Variants in NPLOC4 observed in about 807,000 individuals in gnomAD.
NPLOC4 encodes the protein nuclear protein localization protein 4 homolog.
NPLOC4 carries 18 observed loss-of-function variants against 80.6 expected under a neutral mutation model. That is an observed-to-expected ratio of 0.22 (90% CI 0.15 to 0.33). The LOEUF (loss-of-function observed/expected upper bound fraction) is 0.33. NPLOC4 is among the 10% of genes least tolerant of loss of function. The pLI, the probability that NPLOC4 is intolerant of heterozygous loss-of-function variation, is 1.00. For synonymous variants in NPLOC4, 313 were observed against 301.5 expected, an observed-to-expected ratio of 1.04 and a Z score of -0.39; for missense variants, 540 against 786.1, an observed-to-expected ratio of 0.69 and a Z score of 3.74.
chr17:81,605,647 CA>C (rs879678650), intron 7 of NPLOC4, among the ~76,000 whole-genome samples: 250 of 128,004 alleles, frequency 2.0e-3, no homozygotes, highest in Non-Finnish European at 1.7e-3. Context: ...GACTCTGTCT[CA>C]AAAAAAAAAA....
intron 13 of NPLOC4, among the ~76,000 whole-genome samples, chr17:81,569,806 T>A (rs575166327): frequency 1.3e-5 from 2 of 152,174 alleles, no homozygotes; most frequent in African/African-American, 4.8e-5. Flanking sequence ...AGAGGGCACT[T>A]TGCACCTAAG....
chr17:81,604,483 C>T (rs890676600), intron 8 of NPLOC4, 65 bp downstream of exon 8: 12 of 1,498,204 alleles, frequency 8.0e-6, no homozygotes, highest in African/African-American at 1.4e-5. Flanking sequence ...AAGGCCTCTC[C>T]GAAAGGGCGT....
chr17:81,563,106 T>C (rs9916803), intron 16 of NPLOC4: 34,808 of 150,532 alleles, frequency 0.23, 4,344 homozygotes, highest in Admixed American at 0.3. Context: ...GACAGAGTCT[T>C]GCTCTGTCGC....
At chr17:81,631,836 G>A (rs2035940525) in intron 1 of NPLOC4, among the ~76,000 whole-genome samples, 1 of 151,034 alleles carries the variant, frequency 6.6e-6, no homozygotes, top group South Asian at 2.1e-4. Flanking sequence ...TTTCAATCTT[G>A]TGGCCCAGGC....
At chr17:81,588,259 A>T (rs1371543398) in intron 12 of NPLOC4, 1 of 152,228 alleles carries the variant, frequency 6.6e-6, no homozygotes, top group African/African-American at 2.4e-5. Flanking sequence ...GTGTAACTGG[A>T]GCCCCCAAAG....
At chr17:81,618,795 G>A (rs1270527586) in intron 3 of NPLOC4, among the ~76,000 whole-genome samples, 5 of 152,052 alleles carry the variant, frequency 3.3e-5, no homozygotes, top group Admixed American at 6.6e-5. Flanking sequence ...TTGAGAAATC[G>A]GATGGTTGCT....
At position 81,572,209 on chromosome 17, in the gene NPLOC4, G is replaced by C. The variant is rs1568122007; in HGVS notation, c.1282-121C>G. On this transcript the variant is annotated intron_variant, in intron 12 of 16. Transcript: ENST00000331134. The surrounding 1 kb of genome is among the most constrained non-coding windows in gnomAD (Gnocchi z 4.5). ...ATTTATTTATTTATTTATTTTTTGA[G>C]ACAGAGTCTTGTGCTGTCGCCCAGG... is the stretch of plus-strand genomic sequence containing the variant. 2 of 454,336 alleles carry C rather than the reference G, an allele frequency of 4.4e-6. No homozygotes were observed. The highest frequency in any genetic ancestry group is 1.6e-4 in the South Asian group (2 of 12,654). The allele number at this position is 454,336 out of a possible 1,614,324, so 28.1% of individuals were successfully genotyped here.
At chr17:81,604,084 A>T (rs570576740) in intron 8 of NPLOC4, among the ~76,000 whole-genome samples, 1 of 152,090 alleles carries the variant, frequency 6.6e-6, no homozygotes, top group African/African-American at 2.4e-5. Flanking sequence ...TCCCCTCCAA[A>T]CAAATCTTAA....
rs745792713 is a variant in NPLOC4, at chr17:81,602,922, T to TAC, written c.834+1624_834+1625dup. On this transcript the variant is annotated intron_variant, in intron 8 of 16. Transcript: ENST00000331134. Reference sequence around the variant, plus strand: ...ACATACATACATATATATGTATATATACACACACACATATATATATACACA... The same window carrying TAC: ...ACATACATACATATATATGTATATATACACACACACACATATATATATACACA... 7.4e-4 allele frequency among the ~76,000 whole-genome samples: 101 copies of TAC among 137,188 alleles called. 1 individual carries two copies. Among genetic ancestry groups the TAC allele is most frequent in the African/African-American group, 2.4e-3 (83 of 35,218 alleles). The allele number at this position is 137,188 out of a possible 152,430, so 90.0% of individuals were successfully genotyped here. A position where few individuals can be genotyped will look rare whatever the true frequency, so the allele number is the denominator to read the frequency against.
chr17:81,592,423 T>C (rs1320348255), intron 11 of NPLOC4, among the ~76,000 whole-genome samples: 1 of 152,168 alleles, frequency 6.6e-6, no homozygotes, highest in African/African-American at 2.4e-5. Flanking sequence ...ATGGCAAGTC[T>C]GAGCACCAAG....
intron 11 of NPLOC4, among the ~76,000 whole-genome samples, chr17:81,590,629 A>G (rs1266095373): frequency 2.6e-5 from 4 of 152,254 alleles, no homozygotes; most frequent in Non-Finnish European, 5.9e-5. Flanking sequence ...TACAGGTGTG[A>G]GCCACTGTGC....
At chr17:81,607,434 G>A (rs926462440) in intron 6 of NPLOC4, among the ~76,000 whole-genome samples, 4 of 151,414 alleles carry the variant, frequency 2.6e-5, no homozygotes, top group East Asian at 3.9e-4. Context: ...TAAGGTAGAC[G>A]TGAGGTTTTG....
In NPLOC4 at chr17:81,572,102, A is replaced by C; in HGVS notation, c.1282-14T>G. On this transcript the variant is annotated splice_polypyrimidine_tract_variant and intron_variant, in intron 12 of 16. Transcript: ENST00000331134. This position sits in a 1 kb window ranked among gnomAD's most constrained non-coding sequence, Gnocchi z 4.5. ...CTTGTCTACGTCCTGCAATAGTCAG[A>C]GGGGAACAGCGGTGAGCAAAGACGA... 1 of 1,600,262 alleles carries C rather than the reference A, an allele frequency of 6.2e-7. No homozygotes were observed. The highest frequency in any genetic ancestry group is 8.5e-7 in the Non-Finnish European group (1 of 1,170,566).
chr17:81,609,771 C>T (rs1001910463), intron 5 of NPLOC4, among the ~76,000 whole-genome samples: 3 of 152,204 alleles, frequency 2.0e-5, no homozygotes, highest in African/African-American at 7.2e-5. Flanking sequence ...GCTGGCCTTC[C>T]TGCTGTAAAC....
At chr17:81,591,906 A>G (rs1032827877) in intron 11 of NPLOC4, among the ~76,000 whole-genome samples, 61 of 152,332 alleles carry the variant, frequency 4.0e-4, no homozygotes, top group African/African-American at 1.4e-3. Flanking sequence ...CCGTAAATGT[A>G]GAGTATGCTA....
intron 12 of NPLOC4, among the ~76,000 whole-genome samples, chr17:81,584,074 G>C (rs576035841): frequency 1.4e-4 from 21 of 152,282 alleles, no homozygotes; most frequent in Non-Finnish European, 2.5e-4. Flanking sequence ...TATTGCCAGA[G>C]ACAACAACAT....
At chr17:81,563,858 C>T (rs374948564) in intron 16 of NPLOC4, 1 of 448,668 alleles carries the variant, frequency 2.2e-6, no homozygotes, top group Non-Finnish European at 4.5e-6. Context: ...AATGCAGGAA[C>T]AGCAAACCAA....
intron 6 of NPLOC4, among the ~76,000 whole-genome samples, chr17:81,607,868 C>G (rs934223907): frequency 2.0e-5 from 3 of 152,208 alleles, no homozygotes; most frequent in African/African-American, 7.2e-5. Flanking sequence ...AAGCTACAAT[C>G]AGGCGAATAT....
intron 16 of NPLOC4, among the ~76,000 whole-genome samples, chr17:81,559,748 T>C (rs1029057235): frequency 8.1e-4 from 102 of 125,956 alleles, no homozygotes; most frequent in East Asian, 2.1e-3. Flanking sequence ...TTTTTTTTTT[T>C]CTGAGGTAGG....
Sources: allele counts gnomAD v4.1 joint callset (sites outside exome capture counted in the v4.1 genomes callset), GRCh38; gene constraint gnomAD v4.1.1; non-coding constraint Gnocchi (gnomAD v3.1); transcripts MANE v1.5; gene names NCBI Gene and HGNC (gene_info 2026-07-23, HGNC 2026-07-21).